Variants in RAB3IL1 observed in about 807,000 individuals in gnomAD.
RAB3IL1 encodes guanine nucleotide exchange factor for Rab-3A.
In RAB3IL1, 37 loss-of-function variants were observed where a neutral mutation model predicts 49.2. The observed-to-expected ratio is 0.75, with a 90% confidence interval of 0.58 to 0.99. RAB3IL1 has a LOEUF of 0.99. RAB3IL1 is among the 50% of genes least tolerant of loss of function. The pLI is 0.00. For synonymous variants in RAB3IL1, 193 were observed against 213.9 expected, an observed-to-expected ratio of 0.90 and a Z score of 0.85; for missense variants, 484 against 513.0, an observed-to-expected ratio of 0.94 and a Z score of 0.55.
chr11:61,922,901 C>T (rs921103927), upstream of RAB3IL1, among the ~76,000 whole-genome samples: 5 of 152,240 alleles, frequency 3.3e-5, no homozygotes, highest in African/African-American at 9.6e-5. Context: ...CCTTCCTCTG[C>T]TGGGCAACCT....
At chr11:61,902,627 G>A in intron 7 of RAB3IL1, 86 bp from the exon 8 acceptor site, 1 of 1,230,882 alleles carries the variant, frequency 8.1e-7, no homozygotes, top group Non-Finnish European at 1.1e-6. Flanking sequence ...TGCAGCAGCT[G>A]AGAGGATGCA....
chr11:61,920,102 G>T, upstream of RAB3IL1: 1 of 1,339,388 alleles, frequency 7.5e-7, no homozygotes, highest in Non-Finnish European at 9.7e-7. Context: ...AGGCCTGATG[G>T]GGCGTAGCGG....
At chr11:61,916,031 C>CAA (rs35371411) in intron 1 of RAB3IL1, among the ~76,000 whole-genome samples, 231 of 88,920 alleles carry the variant, frequency 2.6e-3, no homozygotes, top group South Asian at 0.011. Context: ...CACTCTGTCT[C>CAA]AAAAAAAAAA....
the RAB3IL1 span, among the ~76,000 whole-genome samples, chr11:61,925,374 T>C: frequency 7.2e-5 from 11 of 152,290 alleles, no homozygotes; most frequent in East Asian, 5.8e-4. Context: ...GGTTCACACC[T>C]GTAATTCCCA....
At chr11:61,913,230 A>C (rs944559922) in intron 1 of RAB3IL1, among the ~76,000 whole-genome samples, 1 of 152,110 alleles carries the variant, frequency 6.6e-6, no homozygotes, top group African/African-American at 2.4e-5. Context: ...ACCAGAGCCG[A>C]AGAGTGTCTG....
rs758989930 is a variant in RAB3IL1 at position 61,906,539 on chromosome 11, G to A, written c.584C>T (p.Thr195Ile). 7 of 1,571,684 alleles carry A rather than the reference G, an allele frequency of 4.5e-6. No individual in the cohort carries two copies. The East Asian group carries it at 1.6e-4, about 37-fold the overall frequency. Residue 195 changes from threonine (T) to isoleucine (I), a missense_variant, in exon 5 of 10, where the codon ACC becomes ATC. Transcript: ENST00000394836. This position sits in a 1 kb window ranked among gnomAD's most constrained non-coding sequence, Gnocchi z 4.6. ...PRKGHSRHKS[T>I]SSTLCPAVCP... ...CACGGCGGGGCAGAGGGTGCTGCTG[G>A]TGCTCTTGTGGCGAGAGTGGCCCTT...
In RAB3IL1 at chr11:61,908,323, G is replaced by T. The variant is rs773767238; in HGVS notation, c.12-17C>A. 22 of 1,454,210 alleles carry T rather than the reference G, an allele frequency of 1.5e-5. No individual in the cohort carries two copies. The highest frequency in any genetic ancestry group is 2.0e-5 in the Non-Finnish European group (22 of 1,107,742). The allele number at this position is 1,454,210 out of a possible 1,614,324, so 90.1% of individuals were successfully genotyped here. ...TGGGGTGGGCTGGAGACAAACAAGG[G>T]TATCAGCAGGTTCAGGGTGGGGTCC... On this transcript the variant is annotated splice_polypyrimidine_tract_variant and intron_variant, in intron 1 of 9. Coordinates refer to ENST00000394836, the MANE Select transcript of RAB3IL1 (RefSeq NM_013401.4).
At chr11:61,925,276 A>T in the RAB3IL1 span, among the ~76,000 whole-genome samples, 1 of 152,204 alleles carries the variant, frequency 6.6e-6, no homozygotes, top group African/African-American at 2.4e-5. Context: ...TCACTCTCTC[A>T]GGAGGAAGGG....
chr11:61,899,208 T>TA (rs1938770109), intron 9 of RAB3IL1, 106 bp downstream of exon 9: 2 of 1,277,624 alleles, frequency 1.6e-6, no homozygotes, highest in African/African-American at 3.0e-5. Flanking sequence ...CCCAGCCTCC[T>TA]AGCTGAGTCT....
At chr11:61,901,592 C>T (rs530290512) in intron 8 of RAB3IL1, among the ~76,000 whole-genome samples, 3 of 152,344 alleles carry the variant, frequency 2.0e-5, no homozygotes, top group South Asian at 2.1e-4. Context: ...GCATCTCAGC[C>T]GACTGGAGAG....
chr11:61,913,211 G>C (rs1193477163), intron 1 of RAB3IL1, among the ~76,000 whole-genome samples: 4 of 152,160 alleles, frequency 2.6e-5, no homozygotes, highest in African/African-American at 4.8e-5. Context: ...AAGGACGAGA[G>C]TGTTGGACAC....
intron 1 of RAB3IL1, among the ~76,000 whole-genome samples, chr11:61,914,692 C>T (rs947107852): frequency 6.6e-6 from 1 of 152,020 alleles, no homozygotes; most frequent in Non-Finnish European, 1.5e-5. Flanking sequence ...CTGCCGCCCA[C>T]CCCAGAAGAG....
In RAB3IL1 at chr11:61,908,237, G is replaced by A. The variant is rs774798912; in HGVS notation, c.81C>T (p.Asp27=). 10 of 1,535,160 alleles carry A rather than the reference G, an allele frequency of 6.5e-6. No individual in the cohort carries two copies. The highest frequency in any genetic ancestry group is 8.8e-6 in the Non-Finnish European group (10 of 1,139,310). The change falls in exon 2 of 10, where the codon GAC becomes GAT. Residue 27 remains aspartate, a synonymous_variant. Transcript: ENST00000394836. ...AAVPVPWKST[D]PCQGHRESPG... ...GGGACTCCCTGTGGCCTTGGCAGGGGTCCGTGCTCTTCCAGGGGACCGGGA... is the reference window on the plus strand; with the variant it reads ...GGGACTCCCTGTGGCCTTGGCAGGGATCCGTGCTCTTCCAGGGGACCGGGA...
At chr11:61,902,191 G>A (rs1938950693) in intron 8 of RAB3IL1, among the ~76,000 whole-genome samples, 1 of 152,240 alleles carries the variant, frequency 6.6e-6, no homozygotes, top group African/African-American at 2.4e-5. Flanking sequence ...GCACATGCCT[G>A]TAATCCCAGC....
At chr11:61,913,399 G>A (rs1939545333) in intron 1 of RAB3IL1, among the ~76,000 whole-genome samples, 3 of 152,270 alleles carry the variant, frequency 2.0e-5, no homozygotes, top group East Asian at 3.9e-4. Flanking sequence ...ACAACAGCAT[G>A]TCCTAGTAGA....
chr11:61,909,253 G>C (rs1474426668), intron 1 of RAB3IL1, among the ~76,000 whole-genome samples: 2 of 152,144 alleles, frequency 1.3e-5, no homozygotes, highest in Admixed American at 1.3e-4. Context: ...GGGGCTCAGG[G>C]AGGCTGCACC....
Position 61,906,609 on chromosome 11 carries a change from C to T in RAB3IL1, c.514G>A (p.Glu172Lys), listed in dbSNP as rs1303912170. 3.1e-6 allele frequency: 5 copies of T among 1,611,608 alleles called. No individual in the cohort carries two copies. The highest frequency in any genetic ancestry group is 2.7e-5 in the African/African-American group (2 of 74,966). Residue 172 changes from glutamate to lysine, a missense_variant, in exon 5 of 10, where the codon GAG becomes AAG. By Grantham distance (56) the Glu-to-Lys change is moderately conservative. Coordinates refer to ENST00000394836, the MANE Select transcript of RAB3IL1 (RefSeq NM_013401.4). The surrounding 1 kb of genome is among the most constrained non-coding windows in gnomAD (Gnocchi z 4.6). ...ITSTPASPNR[E>K]LHPQLLSPTK... The stretch of plus-strand genomic sequence containing the variant: ...GGGCTCAGCAGCTGGGGGTGAAGCT[C>T]GCGGTTGGGAGAGGCTGGTGTGGAC...
the RAB3IL1 span, among the ~76,000 whole-genome samples, chr11:61,933,928 G>C: frequency 2.0e-5 from 3 of 151,878 alleles, no homozygotes; most frequent in African/African-American, 7.3e-5. Context: ...CTGGGTAACA[G>C]AGCAAGACCT....
At chr11:61,921,466 A>G (rs2134375703), upstream of RAB3IL1, among the ~76,000 whole-genome samples, 1 of 151,982 alleles carries the variant, frequency 6.6e-6, no homozygotes, top group East Asian at 1.9e-4. Flanking sequence ...TGCTATCTCC[A>G]CTGCATCCTG....
Sources: allele counts gnomAD v4.1 joint callset (sites outside exome capture counted in the v4.1 genomes callset), GRCh38; gene constraint gnomAD v4.1.1; non-coding constraint Gnocchi (gnomAD v3.1); transcripts MANE v1.5; gene names NCBI Gene and HGNC (gene_info 2026-07-23, HGNC 2026-07-21).